The following PRMT8 variants were observed in gnomAD, a reference collection of about 807,000 sequenced individuals.
PRMT8 encodes protein arginine N-methyltransferase 8.
Under a neutral mutation model 47.1 loss-of-function variants are expected in PRMT8, and 7 were observed. The observed-to-expected ratio is 0.15, with a 90% confidence interval of 0.08 to 0.28. The LOEUF is 0.28. Among genes scored for constraint, PRMT8 ranks in the 10% least tolerant of loss-of-function variants. PRMT8 has a pLI of 1.00. For synonymous variants in PRMT8, 188 were observed against 186.5 expected, an observed-to-expected ratio of 1.01 and a Z score of -0.07; for missense variants, 237 against 505.4, an observed-to-expected ratio of 0.47 and a Z score of 5.09.
intron 7 of PRMT8, among the ~76,000 whole-genome samples, chr12:3,578,312 T>C (rs2137221436): frequency 6.6e-6 from 1 of 152,264 alleles, no homozygotes; most frequent in African/African-American, 2.4e-5. Flanking sequence ...CACTGCAGCC[T>C]CACTGAGGCT....
At chr12:3,537,586 G>C (rs1311478604) in intron 1 of PRMT8, among the ~76,000 whole-genome samples, 1 of 152,038 alleles carries the variant, frequency 6.6e-6, no homozygotes, top group Non-Finnish European at 1.5e-5. Flanking sequence ...TATCCAAATT[G>C]AAATTCATTA....
chr12:3,491,389 G>A lies in PRMT8; in HGVS notation c.-237G>A, dbSNP rs1000777113. 2.3e-5 allele frequency: 28 copies of A among 1,230,160 alleles called. No individual in the cohort carries two copies. The African/African-American group carries it at 3.7e-4, about 16-fold the overall frequency. The allele number at this position is 1,230,160 out of a possible 1,614,324, so 76.2% of individuals were successfully genotyped here. A position where few individuals can be genotyped will look rare whatever the true frequency, so the allele number is the denominator to read the frequency against. On this transcript the variant is annotated 5_prime_UTR_variant, in exon 1 of 10. Transcript: ENST00000382622. ...GGGGCGGGGAGGGGGTCGGGGGCACGAGAAGAACTTGAAACCGTGTGAAGG... is the reference window on the plus strand; with the variant it reads ...GGGGCGGGGAGGGGGTCGGGGGCACAAGAAGAACTTGAAACCGTGTGAAGG...
intron 1 of PRMT8, among the ~76,000 whole-genome samples, chr12:3,400,265 T>C (rs7138672): frequency 0.31 from 46,675 of 151,788 alleles, 8,240 homozygotes; most frequent in African/African-American, 0.49. Flanking sequence ...AGACCACTAG[T>C]TAGACTAATA....
At chr12:3,457,852 TTTTTTTTTTTTTTTA>T (rs1178961600) in intron 1 of PRMT8, among the ~76,000 whole-genome samples, 2 of 56,188 alleles carry the variant, frequency 3.6e-5, no homozygotes, top group Non-Finnish European at 4.9e-5. Context: ...CTTTTTTTTT[TTTTTTTTTTTTTTTA>T]AGACAGCGTT....
Position 3,387,855 on chromosome 12 carries a change from T to G in PRMT8, c.48+6413T>G, listed in dbSNP as rs76109611. Among the ~76,000 whole-genome samples the G allele has an allele frequency of 9.3e-3, 1,424 of 152,358 alleles. 56 individuals carry two copies. In the South Asian group the frequency reaches 0.11, roughly 12 times the overall value. ...TATATTGAATTACATGCAGACATTATGACTTAGCTCCTAAATATTCCAGCA... is the reference window on the plus strand; with the variant it reads ...TATATTGAATTACATGCAGACATTAGGACTTAGCTCCTAAATATTCCAGCA... On this transcript the variant is annotated intron_variant, in intron 1 of 9. Coordinates refer to the PRMT8 transcript ENST00000452611.
intron 1 of PRMT8, among the ~76,000 whole-genome samples, chr12:3,383,705 G>T (rs1166549533): frequency 6.6e-6 from 1 of 152,200 alleles, no homozygotes; most frequent in African/African-American, 2.4e-5. Context: ...ATAAACTTTT[G>T]TTGTTTTAAA....
chr12:3,496,214 A>ATATATATATATATATTTTTTTTTTTTTT, intron 1 of PRMT8, among the ~76,000 whole-genome samples: 1 of 27,772 alleles, frequency 3.6e-5, no homozygotes. Flanking sequence ...ATATATATAT[A>ATATATATATATATATTTTTTTTTTTTTT]TTTTTTTTTT....
At chr12:3,399,441 A>G (rs1016165748) in intron 1 of PRMT8, among the ~76,000 whole-genome samples, 3 of 152,154 alleles carry the variant, frequency 2.0e-5, no homozygotes, top group Admixed American at 6.5e-5. Context: ...TTTTCTTTCA[A>G]CTGCATTCAG....
chr12:3,591,691 C>A (rs1386676763), intron 8 of PRMT8, among the ~76,000 whole-genome samples: 2 of 152,072 alleles, frequency 1.3e-5, no homozygotes, highest in Non-Finnish European at 2.9e-5. Context: ...ACTATGTGTG[C>A]CCAGCAGGAA....
At chr12:3,408,502 G>T (rs1286372159) in intron 1 of PRMT8, among the ~76,000 whole-genome samples, 3 of 152,198 alleles carry the variant, frequency 2.0e-5, no homozygotes, top group Admixed American at 2.0e-4. Context: ...CTTCCAAAGT[G>T]CTGGGATTAT....
At chr12:3,386,442 C>T (rs1041271451) in intron 1 of PRMT8, among the ~76,000 whole-genome samples, 1 of 152,168 alleles carries the variant, frequency 6.6e-6, no homozygotes, top group African/African-American at 2.4e-5. Flanking sequence ...TTTCTTGGTC[C>T]TTCAATGCCC....
intron 1 of PRMT8, among the ~76,000 whole-genome samples, chr12:3,391,497 T>C (rs1387623459): frequency 6.6e-6 from 1 of 152,178 alleles, no homozygotes; most frequent in Non-Finnish European, 1.5e-5. Flanking sequence ...GGGAGGTCAC[T>C]GGAGCGAGAG....
rs1465753396 is a variant in PRMT8, at chr12:3,441,274, TTTTG to T, written c.48+59840_48+59843del. ...CTTTTGTAGCATCTCTTTAAAAGTATTTTGTTTGTTTCATAATGAATGTATTAGT... is the reference window on the plus strand; with the variant it reads ...CTTTTGTAGCATCTCTTTAAAAGTATTTTGTTTCATAATGAATGTATTAGT... On this transcript the variant is annotated intron_variant, in intron 1 of 9. Coordinates refer to the PRMT8 transcript ENST00000452611. Among the ~76,000 whole-genome samples, 29 of 152,326 alleles carry T rather than the reference TTTTG, an allele frequency of 1.9e-4. No individual in the cohort carries two copies. The South Asian group carries it at 2.5e-3, about 13-fold the overall frequency.
At position 3,530,862 on chromosome 12, in the gene PRMT8, C is replaced by T. The variant is rs141636949; in HGVS notation, c.76-9744C>T. ...TTCCTCTGAATATTTACACGCTCAG[C>T]GTCTTCCAGTCATCACCATAGCCCC... On this transcript the variant is annotated intron_variant, in intron 1 of 9. Coordinates refer to ENST00000382622, the MANE Select transcript of PRMT8 (RefSeq NM_019854.5). Among the ~76,000 whole-genome samples, 18 of 152,320 alleles carry T rather than the reference C, an allele frequency of 1.2e-4. No individual in the cohort carries two copies. In the East Asian group the frequency reaches 3.3e-3, roughly 28 times the overall value.
intron 1 of PRMT8, among the ~76,000 whole-genome samples, chr12:3,513,449 A>G (rs1030300243): frequency 7.2e-5 from 11 of 152,206 alleles, no homozygotes; most frequent in Admixed American, 6.5e-4. Context: ...TGTGGGTCCC[A>G]GTAAGTCCCT....
At chr12:3,513,476 G>A (rs1865743596) in intron 1 of PRMT8, among the ~76,000 whole-genome samples, 1 of 152,176 alleles carries the variant, frequency 6.6e-6, no homozygotes, top group Non-Finnish European at 1.5e-5. Flanking sequence ...CTTTGAGCCT[G>A]CGTAATGACA....
At chr12:3,573,778 C>T (rs1047703746) in intron 6 of PRMT8, among the ~76,000 whole-genome samples, 1 of 152,082 alleles carries the variant, frequency 6.6e-6, no homozygotes, top group Non-Finnish European at 1.5e-5. Flanking sequence ...GCTTCACAGG[C>T]CTCTCTGATA....
intron 2 of PRMT8, among the ~76,000 whole-genome samples, chr12:3,547,966 A>C (rs1866354795): frequency 6.6e-6 from 1 of 152,358 alleles, no homozygotes; most frequent in East Asian, 1.9e-4. Flanking sequence ...ATCTTGTTAA[A>C]GAAGTACGTT....
In PRMT8 at chr12:3,580,684, T is replaced by G. The variant is rs1478875222; in HGVS notation, c.829-2374T>G. On this transcript the variant is annotated intron_variant, in intron 7 of 9. Transcript: ENST00000382622. This position sits in a 1 kb window ranked among gnomAD's most constrained non-coding sequence, Gnocchi z 4.6. The stretch of plus-strand genomic sequence containing the variant: ...GGGCGAAGGTGGTGAGACTGCGATA[T>G]GAGCCAGAAGTGAGATTGGAAGGCC... Among the ~76,000 whole-genome samples the G allele has an allele frequency of 6.6e-6, 1 of 152,048 alleles. No individual in the cohort carries two copies. The highest frequency in any genetic ancestry group is 2.4e-5 in the African/African-American group (1 of 41,378).
Sources: allele counts gnomAD v4.1 joint callset (sites outside exome capture counted in the v4.1 genomes callset), GRCh38; gene constraint gnomAD v4.1.1; non-coding constraint Gnocchi (gnomAD v3.1); transcripts MANE v1.5; gene names NCBI Gene and HGNC (gene_info 2026-07-23, HGNC 2026-07-21).